MEIKIN: variants seen among roughly 807,000 people sequenced by gnomAD.
The protein encoded by MEIKIN is meiosis-specific kinetochore protein.
intron 8 of MEIKIN, among the ~76,000 whole-genome samples, chr5:131,886,134 T>TA (rs1750790444): frequency 6.6e-6 from 1 of 151,900 alleles, no homozygotes; most frequent in Non-Finnish European, 1.5e-5. Context: ...GAAAAAAGAA[T>TA]AAAAAACAAC....
At chr5:131,830,544 G>T (rs1042253998) in intron 11 of MEIKIN, among the ~76,000 whole-genome samples, 1 of 152,220 alleles carries the variant, frequency 6.6e-6, no homozygotes, top group Non-Finnish European at 1.5e-5. Flanking sequence ...AAAAATATCT[G>T]CTCAGCAAGA....
At chr5:131,915,904 CAG>C (rs1297870478) in intron 7 of MEIKIN, among the ~76,000 whole-genome samples, 1 of 152,092 alleles carries the variant, frequency 6.6e-6, no homozygotes, top group African/African-American at 2.4e-5. Context: ...GAAATAGTCT[CAG>C]ATACACATAA....
chr5:131,869,474 T>C (rs563009754), intron 9 of MEIKIN, among the ~76,000 whole-genome samples: 2 of 152,252 alleles, frequency 1.3e-5, no homozygotes, highest in South Asian at 2.1e-4. Flanking sequence ...CTTTTCCCTC[T>C]CCATATAAAC....
chr5:131,864,222 G>C (rs1279963681), intron 9 of MEIKIN, among the ~76,000 whole-genome samples: 2 of 152,044 alleles, frequency 1.3e-5, no homozygotes, highest in East Asian at 3.8e-4. Flanking sequence ...TTTCTGATCT[G>C]TACACTCTTT....
rs939537074 is a variant in MEIKIN at position 131,945,635 on chromosome 5, A to C, written c.-130T>G. The C allele has an allele frequency of 4.3e-4, 169 of 396,156 alleles. No individual in the cohort carries two copies. The highest frequency in any genetic ancestry group is 3.4e-3 in the African/African-American group (163 of 48,648). The allele number at this position is 396,156 out of a possible 1,614,324, so 24.5% of individuals were successfully genotyped here. A position where few individuals can be genotyped will look rare whatever the true frequency, so the allele number is the denominator to read the frequency against. On this transcript the variant is annotated 5_prime_UTR_variant, in exon 1 of 13. The change creates a new upstream start codon in the 5' untranslated region. Transcript: ENST00000442687. ...CCCGCGGAGCAGCCTCACAGCAACT[A>C]ATCGAGCGAAAGCAAAAGCCCCAGA...
intron 8 of MEIKIN, among the ~76,000 whole-genome samples, chr5:131,905,055 A>G (rs1226026312): frequency 6.6e-6 from 1 of 152,192 alleles, no homozygotes; most frequent in Non-Finnish European, 1.5e-5. Flanking sequence ...TGATGGGTGC[A>G]GCAAACCACC....
chr5:131,812,936 C>T (rs1019467695), intron 12 of MEIKIN, among the ~76,000 whole-genome samples: 4 of 152,228 alleles, frequency 2.6e-5, no homozygotes, highest in South Asian at 2.1e-4. Flanking sequence ...CAACTAAGCA[C>T]TTAATCATAG....
chr5:131,924,062 A>G (rs1310865702), intron 5 of MEIKIN, among the ~76,000 whole-genome samples: 2 of 152,110 alleles, frequency 1.3e-5, no homozygotes, highest in African/African-American at 2.4e-5. Flanking sequence ...GATAACTCAT[A>G]TAAGTGGAAA....
At chr5:131,885,143 C>T (rs1190444288) in intron 8 of MEIKIN, among the ~76,000 whole-genome samples, 1 of 152,142 alleles carries the variant, frequency 6.6e-6, no homozygotes, top group Non-Finnish European at 1.5e-5. Flanking sequence ...TAGTTGGCTT[C>T]ATCACCTGTT....
intron 8 of MEIKIN, among the ~76,000 whole-genome samples, chr5:131,901,160 C>T (rs1251372004): frequency 3.9e-5 from 6 of 152,100 alleles, no homozygotes; most frequent in African/African-American, 7.2e-5. Context: ...AGGCCACTGC[C>T]ACTCACATGA....
At chr5:131,934,213 G>A (rs533516467) in intron 4 of MEIKIN, among the ~76,000 whole-genome samples, 19 of 150,084 alleles carry the variant, frequency 1.3e-4, no homozygotes, top group African/African-American at 4.3e-4. Flanking sequence ...CACCTGCCTC[G>A]GCCTCCCAAA....
intron 9 of MEIKIN, among the ~76,000 whole-genome samples, chr5:131,869,192 A>C (rs1750441411): frequency 1.3e-5 from 2 of 152,282 alleles, no homozygotes; most frequent in East Asian, 3.9e-4. Context: ...ATGTTTTTGC[A>C]TTTGGGGGTC....
chr5:131,935,738 C>A (rs980248704), intron 4 of MEIKIN, among the ~76,000 whole-genome samples: 6 of 152,154 alleles, frequency 3.9e-5, no homozygotes, highest in African/African-American at 1.4e-4. Context: ...CTTTGTCCTT[C>A]CTCCTAAGAC....
At chr5:131,859,380 G>T (rs930301565) in intron 9 of MEIKIN, among the ~76,000 whole-genome samples, 9 of 152,188 alleles carry the variant, frequency 5.9e-5, no homozygotes, top group African/African-American at 2.2e-4. Flanking sequence ...AATGATGGAG[G>T]TGGGGCCTGG....
intron 3 of MEIKIN, among the ~76,000 whole-genome samples, chr5:131,944,112 A>C (rs75526888): frequency 7.7e-6 from 1 of 130,442 alleles, no homozygotes. Flanking sequence ...CTCTGTCTCC[A>C]AAAAAAAAAA....
intron 9 of MEIKIN, among the ~76,000 whole-genome samples, chr5:131,863,555 TC>T (rs1478494780): frequency 9.4e-5 from 11 of 116,954 alleles, no homozygotes; most frequent in African/African-American, 3.4e-4. Flanking sequence ...ACCTTCTTTG[TC>T]CTTTTTTTTT....
intron 4 of MEIKIN, among the ~76,000 whole-genome samples, chr5:131,935,981 T>A (rs1273717781): frequency 1.3e-5 from 2 of 152,176 alleles, no homozygotes; most frequent in Non-Finnish European, 2.9e-5. Context: ...ACTTTTATCC[T>A]TCTCACACTG....
At chr5:131,827,338 C>CA (rs565953117) in intron 11 of MEIKIN, among the ~76,000 whole-genome samples, 14 of 151,266 alleles carry the variant, frequency 9.3e-5, no homozygotes, top group South Asian at 8.4e-4. Flanking sequence ...GGGAGGCATA[C>CA]AAAAAAAACT....
chr5:131,818,487 G>A (rs13188644), intron 12 of MEIKIN, among the ~76,000 whole-genome samples: 594 of 152,060 alleles, frequency 3.9e-3, no homozygotes, highest in Non-Finnish European at 6.6e-3. Context: ...GTGACCTGAT[G>A]ATAGCTCACC....
Sources: gnomAD v4.1 joint callset for allele counts (sites outside exome capture counted in the v4.1 genomes callset) on GRCh38, gnomAD v4.1.1 for gene constraint, MANE v1.5 for transcripts, NCBI Gene and HGNC (gene_info 2026-07-23, HGNC 2026-07-21) for gene names.